VWC2L: variants seen among roughly 807,000 people sequenced by gnomAD.
The protein encoded by VWC2L is von Willebrand factor C domain containing 2 like.
Under a neutral mutation model 21.6 loss-of-function variants are expected in VWC2L, and 10 were observed. That is an observed-to-expected ratio of 0.46 (90% CI 0.29 to 0.78). VWC2L has a LOEUF of 0.78. Among genes scored for constraint, VWC2L ranks in the 30% least tolerant of loss-of-function variants. The pLI is 0.10. For synonymous variants in VWC2L, 96 were observed against 94.3 expected, an observed-to-expected ratio of 1.02 and a Z score of -0.10; for missense variants, 209 against 277.1, an observed-to-expected ratio of 0.75 and a Z score of 1.74.
At chr2:214,524,347 G>A (rs1176277420) in intron 3 of VWC2L, among the ~76,000 whole-genome samples, 1 of 152,092 alleles carries the variant, frequency 6.6e-6, no homozygotes, top group Non-Finnish European at 1.5e-5. Context: ...TTCTAAAGAT[G>A]ACCAGGTCTG....
At chr2:214,464,933 C>T (rs1463580792) in intron 3 of VWC2L, among the ~76,000 whole-genome samples, 1 of 152,182 alleles carries the variant, frequency 6.6e-6, no homozygotes, top group East Asian at 1.9e-4. Flanking sequence ...AAGCCTGTGA[C>T]AATTACTGTC....
At chr2:214,543,034 A>G (rs1200191508) in intron 3 of VWC2L, among the ~76,000 whole-genome samples, 1 of 152,176 alleles carries the variant, frequency 6.6e-6, no homozygotes, top group Non-Finnish European at 1.5e-5. Flanking sequence ...AGAATTACTC[A>G]CACCTCAAGG....
rs550493789 is a variant in VWC2L at position 214,423,484 on chromosome 2, G to C, written c.390+8901G>C. On this transcript the variant is annotated intron_variant, in intron 2 of 3. Coordinates refer to ENST00000312504, the MANE Select transcript of VWC2L (RefSeq NM_001080500.4). ...TATTTTACTACCTTCAGGTTTAACA[G>C]AAAAATACCAGCTCATTTGCATCTT... is the stretch of plus-strand genomic sequence containing the variant. Among the ~76,000 whole-genome samples the C allele has an allele frequency of 2.6e-5, 4 of 152,046 alleles. No homozygotes were observed. In the South Asian group the frequency reaches 8.3e-4, roughly 32 times the overall value.
Position 214,441,975 on chromosome 2 carries a change from A to T in VWC2L, c.520+5217A>T, listed in dbSNP as rs570707019. On this transcript the variant is annotated intron_variant, in intron 3 of 3. Coordinates refer to ENST00000312504, the MANE Select transcript of VWC2L (RefSeq NM_001080500.4). ...CACTCAGGCTGGAGTGCAGTGGCACAATCTCAGCTCACTGCAACCTCCGCA... is the reference window on the plus strand; with the variant it reads ...CACTCAGGCTGGAGTGCAGTGGCACTATCTCAGCTCACTGCAACCTCCGCA... Among the ~76,000 whole-genome samples the T allele has an allele frequency of 2.0e-5, 3 of 151,454 alleles. No individual in the cohort carries two copies. In the East Asian group the frequency reaches 5.8e-4, roughly 29 times the overall value.
At chr2:214,470,881 C>T (rs1703296218) in intron 3 of VWC2L, among the ~76,000 whole-genome samples, 1 of 128,338 alleles carries the variant, frequency 7.8e-6, no homozygotes, top group Non-Finnish European at 1.6e-5. Context: ...TGTGCCACTG[C>T]ACTCCAGCCT....
chr2:214,456,270 T>C (rs1408847851), intron 3 of VWC2L, among the ~76,000 whole-genome samples: 13 of 152,198 alleles, frequency 8.5e-5, no homozygotes, highest in Admixed American at 8.5e-4. Context: ...GGGTTTTGAC[T>C]TGAATTTTCC....
intron 2 of VWC2L, among the ~76,000 whole-genome samples, chr2:214,423,897 TGAG>T (rs1016091458): frequency 2.0e-5 from 3 of 152,032 alleles, no homozygotes; most frequent in Non-Finnish European, 4.4e-5. Context: ...TTTTAGAAAA[TGAG>T]GACCCATTTT....
At chr2:214,502,228 A>G (rs1337759601) in intron 3 of VWC2L, among the ~76,000 whole-genome samples, 4 of 152,164 alleles carry the variant, frequency 2.6e-5, no homozygotes, top group Non-Finnish European at 5.9e-5. Flanking sequence ...ATCAGTGATT[A>G]TTATGTAAGG....
intron 3 of VWC2L, among the ~76,000 whole-genome samples, chr2:214,574,415 T>C (rs1690197721): frequency 6.6e-6 from 1 of 152,172 alleles, no homozygotes; most frequent in Non-Finnish European, 1.5e-5. Context: ...TTGATAAGTA[T>C]ATGTTGTAAT....
intron 3 of VWC2L, among the ~76,000 whole-genome samples, chr2:214,471,562 T>C (rs1409350614): frequency 1.3e-5 from 2 of 152,204 alleles, no homozygotes; most frequent in Non-Finnish European, 2.9e-5. Flanking sequence ...AACTTACCTA[T>C]CACTGGGTCA....
intron 3 of VWC2L, among the ~76,000 whole-genome samples, chr2:214,507,516 A>G (rs1019194661): frequency 2.0e-5 from 3 of 152,220 alleles, no homozygotes; most frequent in Non-Finnish European, 4.4e-5. Flanking sequence ...CCAGAGGTAA[A>G]CTGATGGCAT....
intron 3 of VWC2L, among the ~76,000 whole-genome samples, chr2:214,491,786 C>A (rs543886147): frequency 6.6e-5 from 10 of 152,076 alleles, no homozygotes; most frequent in Non-Finnish European, 1.3e-4. Flanking sequence ...TACTTAACCT[C>A]CTGAGTTTTA....
intron 3 of VWC2L, among the ~76,000 whole-genome samples, chr2:214,476,172 A>G (rs1004376390): frequency 2.0e-5 from 3 of 152,212 alleles, no homozygotes; most frequent in African/African-American, 7.2e-5. Context: ...TCTTCTGCTC[A>G]ATAGGTACCA....
chr2:214,439,652 C>T (rs1430490913), intron 3 of VWC2L, among the ~76,000 whole-genome samples: 1 of 151,746 alleles, frequency 6.6e-6, no homozygotes, highest in Non-Finnish European at 1.5e-5. Flanking sequence ...TCCTGAATTA[C>T]AACTTGCCAA....
At position 214,411,853 on chromosome 2, in the gene VWC2L, C is replaced by T. The variant is rs546633271; in HGVS notation, c.-81+67C>T. ...AGAAATAGATGCAGTCATTTTAAAT[C>T]ATCTGTAGCAATATGGGGAGGGGGG... is the stretch of plus-strand genomic sequence containing the variant. On this transcript the variant is annotated intron_variant, in intron 1 of 3. Coordinates refer to ENST00000312504, the MANE Select transcript of VWC2L (RefSeq NM_001080500.4). The T allele has an allele frequency of 3.9e-5, 6 of 152,002 alleles. No individual in the cohort carries two copies. In the South Asian group the frequency reaches 1.2e-3, roughly 32 times the overall value. 9.4% of individuals were successfully genotyped at this position (152,002 alleles called of 1,614,324 possible).
chr2:214,504,370 G>A (rs1688938315), intron 3 of VWC2L, among the ~76,000 whole-genome samples: 1 of 152,200 alleles, frequency 6.6e-6, no homozygotes, highest in Non-Finnish European at 1.5e-5. Flanking sequence ...ATGTCTAAGT[G>A]TTTAGAGTCT....
rs532674401 is a variant in VWC2L at position 214,526,486 on chromosome 2, G to A, written c.521-49186G>A. On this transcript the variant is annotated intron_variant, in intron 3 of 3. Transcript: ENST00000312504. ...CAATTACAACCTGAGGTATTTAAGA[G>A]TAAAACCACAGCCTGCTATAAAGAA... Among the ~76,000 whole-genome samples the A allele has an allele frequency of 9.3e-4, 142 of 152,284 alleles. 1 individual carries two copies. Among genetic ancestry groups the A allele is most frequent in the African/African-American group, 3.3e-3 (139 of 41,554 alleles).
At chr2:214,479,538 C>T (rs1457846316) in intron 3 of VWC2L, among the ~76,000 whole-genome samples, 1 of 152,196 alleles carries the variant, frequency 6.6e-6, no homozygotes, top group African/African-American at 2.4e-5. Flanking sequence ...GGCATGGTAG[C>T]TTACGCCTGT....
rs114957353 is a variant in VWC2L, at chr2:214,541,673, A to G, written c.521-33999A>G. Among the ~76,000 whole-genome samples, 1,333 of 152,218 alleles carry G rather than the reference A, an allele frequency of 8.8e-3. 24 individuals carry two copies. Among genetic ancestry groups the G allele is most frequent in the African/African-American group, 0.03 (1,258 of 41,526 alleles). On this transcript the variant is annotated intron_variant, in intron 3 of 3. Coordinates refer to ENST00000312504, the MANE Select transcript of VWC2L (RefSeq NM_001080500.4). The stretch of plus-strand genomic sequence containing the variant: ...GACCTTGGGCAATCACTCAACCCCA[A>G]CGAACCATGGTTTTCCCATCTCTAA...
Sources: allele counts gnomAD v4.1 joint callset (sites outside exome capture counted in the v4.1 genomes callset), GRCh38; gene constraint gnomAD v4.1.1; transcripts MANE v1.5; gene names NCBI Gene and HGNC (gene_info 2026-07-23, HGNC 2026-07-21).